The following PTPRB variants were observed in gnomAD, a reference collection of about 807,000 sequenced individuals.
PTPRB encodes the protein protein tyrosine phosphatase receptor type B.
In PTPRB, 97 loss-of-function variants were observed where a neutral mutation model predicts 238.1. The observed-to-expected ratio is 0.41, with a 90% CI of 0.35 to 0.48. The LOEUF is 0.48. Among genes scored for constraint, PTPRB ranks in the 20% least tolerant of loss-of-function variants. PTPRB has a pLI of 0.30. For missense variants in PTPRB, 2,292 were observed against 2,681.9 expected (o/e 0.85, Z 3.21); for synonymous variants, 970 against 995.4 (o/e 0.97, Z 0.48).
At chr12:70,533,249 C>CAAAA (rs1873568611) in intron 31 of PTPRB, among the ~76,000 whole-genome samples, 1 of 152,044 alleles carries the variant, frequency 6.6e-6, no homozygotes, top group Non-Finnish European at 1.5e-5. Context: ...TGCCATTTTT[C>CAAAA]AAAAAGCAGA....
intron 3 of PTPRB, among the ~76,000 whole-genome samples, chr12:70,615,817 C>T (rs1884654391): frequency 6.6e-6 from 1 of 152,158 alleles, no homozygotes; most frequent in South Asian, 2.1e-4. Flanking sequence ...ACAAATAAAG[C>T]ATGGCTTATG....
At chr12:70,559,048 A>C (rs1324193198) in intron 18 of PTPRB, 1 of 519,084 alleles carries the variant, frequency 1.9e-6, no homozygotes, top group East Asian at 3.0e-5. Flanking sequence ...CAGATTACCT[A>C]ACAAGTGTCT....
rs1880126041 is a variant in PTPRB, at chr12:70,572,064, T to C, written c.2866A>G (p.Ser956Gly). The C allele has an allele frequency of 5.0e-6, 8 of 1,612,988 alleles. No homozygotes were observed. Among genetic ancestry groups the C allele is most frequent in the Non-Finnish European group, 5.1e-6 (6 of 1,179,328 alleles). Residue 956 changes from serine to glycine, a missense_variant, in exon 12 of 34, where the codon AGT becomes GGT. This residue lies in a region of PTPRB where 1,205 missense variants were observed against 1,287.8 expected (regional missense o/e 0.94). Coordinates refer to ENST00000334414, the MANE Select transcript of PTPRB (RefSeq NM_001109754.4). ...RTVPDKVQGV[S>G]VSNSARSDYL... ...TCACTCCTGGCTGAGTTGCTAACAC[T>C]GACTCCCTGGACTTTGTCAGGCACT... is the stretch of plus-strand genomic sequence containing the variant.
chr12:70,522,352 G>T (rs1018240821), intron 33 of PTPRB, among the ~76,000 whole-genome samples: 10 of 152,318 alleles, frequency 6.6e-5, no homozygotes, highest in African/African-American at 2.4e-4. Flanking sequence ...TCCAGCCCCA[G>T]TCAAACCTTC....
intron 26 of PTPRB, 112 bp downstream of exon 26, chr12:70,539,513 A>G (rs1874708515): frequency 1.2e-6 from 1 of 829,428 alleles, no homozygotes; most frequent in Non-Finnish European, 1.9e-6. Flanking sequence ...TGAGATTCTA[A>G]GCAGCCTCCT....
rs757818155 is a variant in PTPRB at position 70,534,459 on chromosome 12, A to C, written c.6368+29T>G. ...CAGGCACAACCCCCTTATGGCTGCC[A>C]TTTTATTGGCTGCTAGGTTTCCTAG... On this transcript the variant is annotated intron_variant, in intron 31 of 33. Transcript: ENST00000334414. The C allele has an allele frequency of 1.8e-4, 286 of 1,606,250 alleles. No homozygotes were observed. In the Middle Eastern group the frequency reaches 2.2e-3, roughly 12 times the overall value.
chr12:70,551,902 T>G (rs544131213), intron 21 of PTPRB, among the ~76,000 whole-genome samples: 24 of 152,228 alleles, frequency 1.6e-4, no homozygotes, highest in Non-Finnish European at 8.8e-5. Context: ...GCAGTGATGT[T>G]TCCTGGAGCC....
At chr12:70,613,607 A>C (rs759464462) in intron 3 of PTPRB, among the ~76,000 whole-genome samples, 1 of 152,072 alleles carries the variant, frequency 6.6e-6, no homozygotes, top group Non-Finnish European at 1.5e-5. Flanking sequence ...TCTTCATCTC[A>C]GTGGCCATTT....
chr12:70,624,296 A>C (rs1442644026), intron 2 of PTPRB, among the ~76,000 whole-genome samples: 1 of 152,152 alleles, frequency 6.6e-6, no homozygotes, highest in Non-Finnish European at 1.5e-5. Context: ...AATGTAACCG[A>C]GTGCTGCGTA....
chr12:70,594,342 G>A (rs892870386), intron 6 of PTPRB, 125 bp downstream of exon 6: 23 of 1,254,414 alleles, frequency 1.8e-5, no homozygotes, highest in African/African-American at 3.0e-5. Context: ...GTGGATATGG[G>A]TCTTCTATAC....
chr12:70,634,008 G>T (rs370892244), intron 2 of PTPRB, among the ~76,000 whole-genome samples: 84 of 152,240 alleles, frequency 5.5e-4, no homozygotes, highest in African/African-American at 1.9e-3. Flanking sequence ...GTACAAATTG[G>T]TGCTATATGC....
chr12:70,566,367 C>T, intron 15 of PTPRB, 68 bp downstream of exon 15: 1 of 1,545,024 alleles, frequency 6.5e-7, no homozygotes, highest in Middle Eastern at 1.7e-4. Flanking sequence ...TCCCTCTCAC[C>T]CTGGGGTTCT....
intron 2 of PTPRB, among the ~76,000 whole-genome samples, chr12:70,628,471 G>A (rs926800046): frequency 3.3e-5 from 5 of 152,132 alleles, no homozygotes; most frequent in Admixed American, 6.6e-5. Flanking sequence ...ATGGCCTATC[G>A]GCCCATGGAT....
At chr12:70,632,818 G>T (rs934958113) in intron 2 of PTPRB, among the ~76,000 whole-genome samples, 2 of 152,120 alleles carry the variant, frequency 1.3e-5, no homozygotes, top group African/African-American at 4.8e-5. Context: ...AGAGGATAAA[G>T]CTCAGGTTTT....
rs746342329 is a variant in PTPRB at position 70,637,405 on chromosome 12, A to G, written c.-10T>C. 6.2e-7 allele frequency: 1 copy of G among 1,606,174 alleles called. No individual in the cohort carries two copies. The highest frequency in any genetic ancestry group is 8.5e-7 in the Non-Finnish European group (1 of 1,176,294). ...AAAATTCAGCCTCCATTTTCCACTTAGCAACTGTTCATGCTTCGCTTGGGG... is the reference window on the plus strand; with the variant it reads ...AAAATTCAGCCTCCATTTTCCACTTGGCAACTGTTCATGCTTCGCTTGGGG... On this transcript the variant is annotated 5_prime_UTR_variant, in exon 1 of 34. An upstream open reading frame in the 5' UTR loses its in-frame stop. Transcript: ENST00000334414.
At chr12:70,626,808 C>G (rs879462378) in intron 2 of PTPRB, among the ~76,000 whole-genome samples, 3 of 151,668 alleles carry the variant, frequency 2.0e-5, no homozygotes, top group Admixed American at 6.6e-5. Context: ...TTAAATAAGA[C>G]TTGACTGGAA....
chr12:70,615,667 C>T (rs1401607573), intron 3 of PTPRB, among the ~76,000 whole-genome samples: 2 of 152,204 alleles, frequency 1.3e-5, no homozygotes, highest in African/African-American at 4.8e-5. Context: ...TGCCACCCCA[C>T]CCTTGGAAGG....
At chr12:70,622,364 A>C (rs774019292) in intron 3 of PTPRB, 26 bp downstream of exon 3, 1 of 1,609,150 alleles carries the variant, frequency 6.2e-7, no homozygotes, top group Non-Finnish European at 8.5e-7. Flanking sequence ...TGCACAGACC[A>C]CACTCCACAC....
intron 7 of PTPRB, 56 bp from the exon 8 acceptor site, chr12:70,590,289 T>G (rs1592548151): frequency 3.4e-6 from 5 of 1,467,702 alleles, no homozygotes; most frequent in Non-Finnish European, 4.5e-6. Context: ...GTAAGGATAC[T>G]CATTTACTTT....
Sources: gnomAD v4.1 joint callset for allele counts (sites outside exome capture counted in the v4.1 genomes callset) on GRCh38, gnomAD v4.1.1 for gene constraint, gnomAD v4.1.1 regional missense constraint, MANE v1.5 for transcripts, NCBI Gene and HGNC (gene_info 2026-07-23, HGNC 2026-07-21) for gene names.